The following GALNT13 variants were observed in gnomAD, a reference collection of about 807,000 sequenced individuals.
GALNT13 encodes UDP-GalNAc:polypeptide N-acetylgalactosaminyltransferase 13.
In GALNT13, 28 loss-of-function variants were observed where a neutral mutation model predicts 64.2. That is an observed-to-expected ratio of 0.44 (90% confidence interval 0.32 to 0.60). GALNT13 has a LOEUF of 0.60. GALNT13 is among the 20% of genes least tolerant of loss of function. The pLI is 0.05. For missense variants in GALNT13, 577 were observed against 669.8 expected (o/e 0.86, Z 1.53); for synonymous variants, 214 against 224.6 (o/e 0.95, Z 0.42).
intron 9 of GALNT13, among the ~76,000 whole-genome samples, chr2:154,302,788 G>T (rs1046388102): frequency 6.6e-6 from 1 of 152,178 alleles, no homozygotes; most frequent in Non-Finnish European, 1.5e-5. Flanking sequence ...ATAGGAGGTT[G>T]TGGAAACCAA....
chr2:153,948,926 G>A (rs1258334459), intron 3 of GALNT13, among the ~76,000 whole-genome samples: 1 of 152,074 alleles, frequency 6.6e-6, no homozygotes, highest in Non-Finnish European at 1.5e-5. Flanking sequence ...GAATAAGTGT[G>A]TACAACAAAC....
At chr2:153,278,984 A>G in the GALNT13 span, among the ~76,000 whole-genome samples, 1 of 152,206 alleles carries the variant, frequency 6.6e-6, no homozygotes, top group Non-Finnish European at 1.5e-5. Flanking sequence ...CTTCTAATGT[A>G]GGAGCATGGA....
chr2:154,018,132 CTG>C (rs1697131167), intron 3 of GALNT13, among the ~76,000 whole-genome samples: 1 of 152,210 alleles, frequency 6.6e-6, no homozygotes, highest in Non-Finnish European at 1.5e-5. Flanking sequence ...AACTTGAGAA[CTG>C]TCTTTTCAGA....
chr2:154,274,496 G>A (rs1691530585), intron 8 of GALNT13, among the ~76,000 whole-genome samples: 1 of 152,008 alleles, frequency 6.6e-6, no homozygotes, highest in Non-Finnish European at 1.5e-5. Flanking sequence ...CACGTGTCAT[G>A]GAAGGGATCC....
the GALNT13 span, among the ~76,000 whole-genome samples, chr2:153,578,215 A>G: frequency 6.6e-6 from 1 of 152,188 alleles, no homozygotes. Context: ...AACTATGTCA[A>G]TAAAACATTC....
chr2:153,270,758 G>C, the GALNT13 span, among the ~76,000 whole-genome samples: 1 of 152,096 alleles, frequency 6.6e-6, no homozygotes, highest in Non-Finnish European at 1.5e-5. Context: ...AGACTGAGGT[G>C]GGAGGATCAC....
At chr2:154,240,943 G>A (rs943405341) in intron 4 of GALNT13, among the ~76,000 whole-genome samples, 2 of 152,262 alleles carry the variant, frequency 1.3e-5, no homozygotes, top group Non-Finnish European at 2.9e-5. Flanking sequence ...AGCGGCCTGG[G>A]CTGTCTCCTC....
chr2:153,631,429 A>T, the GALNT13 span, among the ~76,000 whole-genome samples: 1 of 152,208 alleles, frequency 6.6e-6, no homozygotes, highest in Non-Finnish European at 1.5e-5. Flanking sequence ...TCCTATCAAC[A>T]GTGTAAAGGT....
chr2:153,818,340 A>G, the GALNT13 span, among the ~76,000 whole-genome samples: 8 of 152,244 alleles, frequency 5.3e-5, no homozygotes, highest in Admixed American at 2.0e-4. Flanking sequence ...TGTATCCCCA[A>G]TAGAGGCCAT....
intron 3 of GALNT13, among the ~76,000 whole-genome samples, chr2:153,982,275 G>T (rs371453448): frequency 6.6e-6 from 1 of 152,118 alleles, no homozygotes; most frequent in African/African-American, 2.4e-5. Context: ...GGACGGAAAT[G>T]TACTTGGCTC....
At chr2:153,362,854 G>T in the GALNT13 span, among the ~76,000 whole-genome samples, 1 of 151,998 alleles carries the variant, frequency 6.6e-6, no homozygotes, top group Non-Finnish European at 1.5e-5. Context: ...GGATATTCAG[G>T]ACTTGAAATC....
the GALNT13 span, among the ~76,000 whole-genome samples, chr2:153,508,061 C>T: frequency 6.6e-6 from 1 of 152,258 alleles, no homozygotes; most frequent in East Asian, 1.9e-4. Context: ...AGCACCTGCT[C>T]CAGTGGAGGC....
chr2:153,074,660 ATGG>A, the GALNT13 span, among the ~76,000 whole-genome samples: 1 of 152,200 alleles, frequency 6.6e-6, no homozygotes, highest in Non-Finnish European at 1.5e-5. Context: ...ATCATTTTGC[ATGG>A]TGTCCATCAT....
At chr2:153,852,129 AAAT>A in the GALNT13 span, among the ~76,000 whole-genome samples, 2 of 152,208 alleles carry the variant, frequency 1.3e-5, no homozygotes, top group Non-Finnish European at 2.9e-5. Flanking sequence ...AAGTAAAAAA[AAAT>A]AATATATTGG....
At chr2:153,964,414 A>C (rs1693178824) in intron 3 of GALNT13, among the ~76,000 whole-genome samples, 1 of 152,110 alleles carries the variant, frequency 6.6e-6, no homozygotes, top group African/African-American at 2.4e-5. Context: ...ATGCAACTGC[A>C]CTCCTGCCTA....
the GALNT13 span, among the ~76,000 whole-genome samples, chr2:153,091,653 C>T: frequency 6.6e-6 from 1 of 152,308 alleles, no homozygotes; most frequent in East Asian, 1.9e-4. Flanking sequence ...CATCTGCCAT[C>T]CTCCCAAACA....
chr2:153,673,112 C>G, the GALNT13 span, among the ~76,000 whole-genome samples: 1 of 152,088 alleles, frequency 6.6e-6, no homozygotes, highest in Non-Finnish European at 1.5e-5. Context: ...GATTCACAGC[C>G]AAATTCTACC....
intron 7 of GALNT13, among the ~76,000 whole-genome samples, chr2:154,247,718 G>A (rs1689855057): frequency 6.6e-6 from 1 of 152,032 alleles, no homozygotes; most frequent in Admixed American, 6.6e-5. Flanking sequence ...TTATGTGGTT[G>A]TATTGCAGTA....
At chr2:154,351,944 C>A (rs1696435986) in intron 9 of GALNT13, among the ~76,000 whole-genome samples, 1 of 151,986 alleles carries the variant, frequency 6.6e-6, no homozygotes, top group African/African-American at 2.4e-5. Flanking sequence ...TTCTTTGAAA[C>A]AAACTACTAG....
Sources: allele counts gnomAD v4.1 joint callset (sites outside exome capture counted in the v4.1 genomes callset), GRCh38; gene constraint gnomAD v4.1.1; transcripts MANE v1.5; gene names NCBI Gene and HGNC (gene_info 2026-07-23, HGNC 2026-07-21).